FRMD3: variants seen among roughly 807,000 people sequenced by gnomAD.
FRMD3 encodes the protein FERM domain containing 3.
Under a neutral mutation model 70.2 loss-of-function variants are expected in FRMD3, and 33 were observed. The observed-to-expected ratio is 0.47, with a 90% CI of 0.36 to 0.63. FRMD3 has a LOEUF of 0.63. FRMD3 is among the 20% of genes least tolerant of loss of function. The probability of loss-of-function intolerance (pLI) is 0.00; values close to 1 mark genes in which losing one functional copy is unlikely to be tolerated. For synonymous variants in FRMD3, 279 were observed against 255.9 expected (o/e 1.09, Z -0.86); for missense variants, 632 against 711.4 (o/e 0.89, Z 1.27).
chr9:83,482,175 G>A (rs372776888), intron 1 of FRMD3, among the ~76,000 whole-genome samples: 1 of 152,134 alleles, frequency 6.6e-6, no homozygotes, highest in East Asian at 1.9e-4. Flanking sequence ...CGTTTACAGC[G>A]AACTCCTACT....
chr9:83,385,595 G>C (rs761691495), intron 2 of FRMD3, among the ~76,000 whole-genome samples: 3 of 152,006 alleles, frequency 2.0e-5, no homozygotes, highest in African/African-American at 7.3e-5. Flanking sequence ...ACTGTAAATC[G>C]AGTTGTAGGC....
At chr9:83,564,196 C>G in the FRMD3 span, among the ~76,000 whole-genome samples, 1 of 152,202 alleles carries the variant, frequency 6.6e-6, no homozygotes, top group Middle Eastern at 3.4e-3. Flanking sequence ...GACTGACTTT[C>G]TGAGAATATT....
chr9:83,533,567 G>A (rs1282208759), intron 1 of FRMD3, among the ~76,000 whole-genome samples: 2 of 152,142 alleles, frequency 1.3e-5, no homozygotes, highest in Admixed American at 1.3e-4. Context: ...ATCTAATGCT[G>A]GCATGCTACC....
chr9:83,247,323 C>T lies in FRMD3; in HGVS notation c.*595G>A. 2 of 983,446 alleles carry T rather than the reference C, an allele frequency of 2.0e-6. No individual in the cohort carries two copies. Among genetic ancestry groups the T allele is most frequent in the Non-Finnish European group, 2.4e-6 (2 of 829,408 alleles). 60.9% of individuals were successfully genotyped at this position (983,446 alleles called of 1,614,324 possible). A position where few individuals can be genotyped will look rare whatever the true frequency, so the allele number is the denominator to read the frequency against. On this transcript the variant is annotated 3_prime_UTR_variant, in exon 14 of 14. Transcript: ENST00000304195. ...GTAGCGCCAAAACATTAAAAAAATT[C>T]TGATATACCTTTTGTGCATTAGTCT...
intron 5 of FRMD3, among the ~76,000 whole-genome samples, chr9:83,336,982 A>G (rs1259112901): frequency 6.6e-6 from 1 of 152,104 alleles, no homozygotes; most frequent in East Asian, 1.9e-4. Context: ...GGCTGTGCAC[A>G]GAGGGCCTTT....
intron 1 of FRMD3, among the ~76,000 whole-genome samples, chr9:83,443,089 T>C (rs555288353): frequency 6.6e-6 from 1 of 152,316 alleles, no homozygotes; most frequent in African/African-American, 2.4e-5. Flanking sequence ...GTATGGGGAA[T>C]CATAAATGAT....
chr9:83,299,168 C>T lies in FRMD3; in HGVS notation c.945G>A (p.Gln315=). ...QAFYKYAKSS[Q]IKTVSSSKIF... is the part of the protein sequence containing the mutation. Reference sequence around the variant, plus strand: ...TCTTGCTGCTTGATACAGTCTTGATCTGACTGGATTTTGCATACCTTTAAG... The same window carrying T: ...TCTTGCTGCTTGATACAGTCTTGATTTGACTGGATTTTGCATACCTTTAAG... Residue 315 remains glutamine (Q), a synonymous_variant, in exon 11 of 14, where the codon CAG becomes CAA. Coordinates refer to ENST00000304195, the MANE Select transcript of FRMD3 (RefSeq NM_174938.6). 1 of 1,611,932 alleles carries T rather than the reference C, an allele frequency of 6.2e-7. No homozygotes were observed. Among genetic ancestry groups the T allele is most frequent in the Non-Finnish European group, 8.5e-7 (1 of 1,179,126 alleles).
intron 5 of FRMD3, among the ~76,000 whole-genome samples, chr9:83,340,513 T>C (rs1327905237): frequency 6.6e-6 from 1 of 152,194 alleles, no homozygotes; most frequent in Non-Finnish European, 1.5e-5. Context: ...GAGTTCTGAA[T>C]ATCCAGCAGG....
At chr9:83,426,395 A>G (rs1447126934) in intron 1 of FRMD3, among the ~76,000 whole-genome samples, 1 of 152,250 alleles carries the variant, frequency 6.6e-6, no homozygotes, top group Non-Finnish European at 1.5e-5. Flanking sequence ...TGTTCTCAAG[A>G]AACATATGGA....
intron 6 of FRMD3, among the ~76,000 whole-genome samples, chr9:83,333,250 C>T (rs72618134): frequency 0.07 from 10,585 of 152,266 alleles, 551 homozygotes; most frequent in East Asian, 0.22. Context: ...TGATTCCTGA[C>T]AGGTTCATCC....
At chr9:83,353,927 CT>C (rs148346199) in intron 3 of FRMD3, among the ~76,000 whole-genome samples, 6 of 149,852 alleles carry the variant, frequency 4.0e-5, no homozygotes, top group East Asian at 2.0e-4. Context: ...AAAATTTTGT[CT>C]TTTTTTTTTC....
chr9:83,365,916 T>C (rs1348935247), intron 3 of FRMD3, among the ~76,000 whole-genome samples: 4 of 152,062 alleles, frequency 2.6e-5, no homozygotes, highest in South Asian at 2.1e-4. Flanking sequence ...AAGAGGACAG[T>C]GTCTAGAGAC....
At chr9:83,435,431 A>G (rs1421996353) in intron 1 of FRMD3, among the ~76,000 whole-genome samples, 3 of 152,126 alleles carry the variant, frequency 2.0e-5, no homozygotes, top group African/African-American at 7.2e-5. Context: ...GGAGTGCTCA[A>G]GGTTCCAGAT....
At chr9:83,583,135 A>G in the FRMD3 span, among the ~76,000 whole-genome samples, 3 of 152,282 alleles carry the variant, frequency 2.0e-5, no homozygotes, top group South Asian at 6.2e-4. Flanking sequence ...AATCTCTTCT[A>G]TTTTTGAGAA....
At chr9:83,373,974 G>C (rs925641626) in intron 2 of FRMD3, among the ~76,000 whole-genome samples, 20 of 152,194 alleles carry the variant, frequency 1.3e-4, no homozygotes, top group African/African-American at 4.8e-4. Flanking sequence ...CATAATAAGA[G>C]CTGGCATTTG....
chr9:83,254,598 C>T (rs1350231157), intron 13 of FRMD3, among the ~76,000 whole-genome samples: 2 of 151,298 alleles, frequency 1.3e-5, no homozygotes, highest in East Asian at 1.9e-4. Flanking sequence ...AATCTAGACG[C>T]TGAATTTTAG....
rs1587610621 is a variant in FRMD3 at position 83,248,345 on chromosome 9, G to T, written c.1367C>A (p.Thr456Asn). The T allele has an allele frequency of 1.2e-6, 2 of 1,614,130 alleles. No homozygotes were observed. Among genetic ancestry groups the T allele is most frequent in the Non-Finnish European group, 1.7e-6 (2 of 1,180,024 alleles). The change falls in exon 14 of 14, where the codon ACC (threonine) becomes AAC (asparagine). Residue 456 changes from threonine to asparagine, a missense_variant. This residue lies in a region of FRMD3 where 418 missense variants were observed against 442.1 expected (regional missense o/e 0.95). Transcript: ENST00000304195. ...GTCAATCTCATCGTCATCCACAGGG[G>T]TGGGGAGCAGGCTGGCACTTGGGTT... The part of the protein sequence containing the change: ...VYNPSASLLP[T>N]PVDDDEIDML...
In FRMD3 at chr9:83,376,804, T is replaced by C. The variant is rs143019643; in HGVS notation, c.253-3849A>G. Among the ~76,000 whole-genome samples, 24 of 152,162 alleles carry C rather than the reference T, an allele frequency of 1.6e-4. 1 individual carries two copies. The East Asian group carries it at 4.1e-3, about 26-fold the overall frequency. On this transcript the variant is annotated intron_variant, in intron 2 of 13. Transcript: ENST00000304195. ...TCAAATATGTATATTTGATAAAATA[T>C]ATACATATATTTTGCAAAGCTTGGT...
intron 4 of FRMD3, among the ~76,000 whole-genome samples, chr9:83,345,917 A>T (rs953563326): frequency 2.6e-5 from 4 of 151,998 alleles, no homozygotes; most frequent in African/African-American, 9.7e-5. Context: ...CCCTCACCAA[A>T]ACTTGTATGT....
Sources: allele counts gnomAD v4.1 joint callset (sites outside exome capture counted in the v4.1 genomes callset), GRCh38; gene constraint gnomAD v4.1.1; regional missense constraint gnomAD v4.1.1; transcripts MANE v1.5; gene names NCBI Gene and HGNC (gene_info 2026-07-23, HGNC 2026-07-21).